Variants in EBLN1 observed in about 807,000 individuals in gnomAD.
EBLN1 encodes the protein endogenous Bornavirus like nucleoprotein 1, also known as endogenous Bornavirus-like nucleoprotein 1.
EBLN1 carries 1 observed loss-of-function variant against 0.8 expected under a neutral mutation model. The ratio of observed to expected loss-of-function variants is 1.32; its 90% confidence interval spans 0.47 to 6.26. The LOEUF is 6.26. Among genes scored for constraint, EBLN1 ranks in the 30% most tolerant of loss-of-function variants. EBLN1 has a pLI of 0.15. For missense variants in EBLN1, 396 were observed against 447.9 expected, an observed-to-expected ratio of 0.88 and a Z score of 1.05; for synonymous variants, 158 against 158.5, an observed-to-expected ratio of 1.00 and a Z score of 0.02.
intron 1 of EBLN1, among the ~76,000 whole-genome samples, chr10:22,216,250 C>T (rs1010766275): frequency 6.6e-6 from 1 of 151,864 alleles, no homozygotes; most frequent in Admixed American, 6.6e-5. Context: ...CTGGCATGTA[C>T]AAACACATTG....
intron 2 of EBLN1, among the ~76,000 whole-genome samples, chr10:22,212,137 A>G (rs1017609243): frequency 6.6e-6 from 1 of 152,216 alleles, no homozygotes; most frequent in Non-Finnish European, 1.5e-5. Flanking sequence ...AATGTACTGC[A>G]TATCTCTAAA....
At chr10:22,215,820 T>C (rs1488305922) in intron 1 of EBLN1, among the ~76,000 whole-genome samples, 1 of 152,094 alleles carries the variant, frequency 6.6e-6, no homozygotes, top group African/African-American at 2.4e-5. Flanking sequence ...TTGGTGATAG[T>C]GGAATAGTTA....
Position 22,208,825 on chromosome 10 carries a change from T to A in EBLN1, c.*58A>T, listed in dbSNP as rs934718220. 11 of 1,436,696 alleles carry A rather than the reference T, an allele frequency of 7.7e-6. No homozygotes were observed. The Admixed American group carries it at 1.4e-4, about 18-fold the overall frequency. 89.0% of individuals were successfully genotyped at this position (1,436,696 alleles called of 1,614,324 possible). A position where few individuals can be genotyped will look rare whatever the true frequency, so the allele number is the denominator to read the frequency against. Reference sequence around the variant, plus strand: ...GCAACACTCAGATACTATTTTAGAATGTGATTTTCACATAATTTCTTTTTA... The same window carrying A: ...GCAACACTCAGATACTATTTTAGAAAGTGATTTTCACATAATTTCTTTTTA... On this transcript the variant is annotated 3_prime_UTR_variant, in exon 3 of 3. Coordinates refer to ENST00000422359, the MANE Select transcript of EBLN1 (RefSeq NM_001394757.1).
At chr10:22,217,080 A>G (rs146770213) in intron 1 of EBLN1, among the ~76,000 whole-genome samples, 1 of 152,316 alleles carries the variant, frequency 6.6e-6, no homozygotes, top group East Asian at 1.9e-4. Context: ...TTTTAAAGCA[A>G]TAAATACATA....
At position 22,209,304 on chromosome 10, in the gene EBLN1, A is replaced by G. The variant is rs1015265877; in HGVS notation, c.680T>C (p.Val227Ala). ...PACELLDQVK[V>A]VASKAQMMTY... ...CATCATCTGTGCTTTGCTGGCAACT[A>G]CTTTAACTTGATCAAGTAGCTCGCA... is the stretch of plus-strand genomic sequence containing the variant. The change falls in exon 3 of 3, where the codon GTA (valine) becomes GCA (alanine). Residue 227 changes from valine (V) to alanine (A), a missense_variant. By Grantham distance (64) the Val-to-Ala change is moderately conservative. Transcript: ENST00000422359. 3.1e-6 allele frequency: 5 copies of G among 1,598,612 alleles called. No homozygotes were observed. The Admixed American group carries it at 5.0e-5, about 16-fold the overall frequency.
At chr10:22,215,783 C>T (rs1473572818) in intron 1 of EBLN1, among the ~76,000 whole-genome samples, 1 of 151,850 alleles carries the variant, frequency 6.6e-6, no homozygotes, top group East Asian at 1.9e-4. Context: ...TATGTATGAC[C>T]ATGAAGAAAT....
Position 22,209,948 on chromosome 10 carries a change from G to T in EBLN1, c.36C>A (p.Ser12Arg), listed in dbSNP as rs1453137050. The change falls in exon 3 of 3, where the codon AGC (serine) becomes AGA (arginine). Residue 12 changes from serine to arginine, a missense_variant. Physicochemically the swap from Ser to Arg is moderately radical, Grantham distance 110. Coordinates refer to ENST00000422359, the MANE Select transcript of EBLN1 (RefSeq NM_001394757.1). ...TCCCATCCTTTGTACTGTCTTGTGG[G>T]CTGCTGGTCTGTGGGTTGTTTCTTG... ...SRPRNNPQTS[S>R]PQDSTKDGSS... 1 of 1,432,098 alleles carries T rather than the reference G, an allele frequency of 7.0e-7. No individual in the cohort carries two copies. Among genetic ancestry groups the T allele is most frequent in the East Asian group, 2.5e-5 (1 of 40,094 alleles). 88.7% of individuals were successfully genotyped at this position (1,432,098 alleles called of 1,614,324 possible). A position where few individuals can be genotyped will look rare whatever the true frequency, so the allele number is the denominator to read the frequency against.
At chr10:22,210,074 A>G in intron 2 of EBLN1, 47 bp from the exon 3 acceptor site, 1 of 1,244,448 alleles carries the variant, frequency 8.0e-7, no homozygotes, top group African/African-American at 1.5e-5. Context: ...TTTTTAAATT[A>G]CATTTATTAA....
intron 2 of EBLN1, among the ~76,000 whole-genome samples, chr10:22,211,015 G>T (rs1356602262): frequency 2.6e-5 from 4 of 152,190 alleles, no homozygotes; most frequent in African/African-American, 9.7e-5. Flanking sequence ...TGCATGCCCT[G>T]CTTTAAAACC....
At chr10:22,210,728 C>T (rs1254514787) in intron 2 of EBLN1, among the ~76,000 whole-genome samples, 1 of 152,156 alleles carries the variant, frequency 6.6e-6, no homozygotes, top group East Asian at 1.9e-4. Flanking sequence ...TCAGGCAAAC[C>T]TGGTCCCCTC....
intron 1 of EBLN1, among the ~76,000 whole-genome samples, chr10:22,216,361 A>G (rs961057098): frequency 6.6e-6 from 1 of 152,204 alleles, no homozygotes; most frequent in Non-Finnish European, 1.5e-5. Flanking sequence ...AACTATATTT[A>G]CAGTAAACAT....
In EBLN1 at chr10:22,209,448, T is replaced by C. The variant is rs1239674106; in HGVS notation, c.536A>G (p.Glu179Gly). ...MISIGRPLHS[E>G]SADLLISYNA... The stretch of plus-strand genomic sequence containing the variant: ...ATAGCTAATTAATAAATCAGCACTT[T>C]CACTATGCAAAGGTCTTCCAATGGA... The change falls in exon 3 of 3, where the codon GAA (glutamate) becomes GGA (glycine). Residue 179 changes from glutamate to glycine, a missense_variant. Coordinates refer to ENST00000422359, the MANE Select transcript of EBLN1 (RefSeq NM_001394757.1). 1.3e-6 allele frequency: 2 copies of C among 1,598,968 alleles called. No individual in the cohort carries two copies. The highest frequency in any genetic ancestry group is 1.7e-6 in the Non-Finnish European group (2 of 1,179,694).
intron 1 of EBLN1, among the ~76,000 whole-genome samples, chr10:22,215,834 G>A (rs546616642): frequency 5.1e-4 from 77 of 152,238 alleles, no homozygotes; most frequent in Middle Eastern, 3.4e-3. Context: ...ATAGTTAAGT[G>A]TGCTGTGGTA....
At chr10:22,215,749 A>G (rs1588586160) in intron 1 of EBLN1, among the ~76,000 whole-genome samples, 1 of 152,200 alleles carries the variant, frequency 6.6e-6, no homozygotes, top group Non-Finnish European at 1.5e-5. Context: ...AAATATTTAT[A>G]TACAAAGACC....
chr10:22,209,366 C>T lies in EBLN1; in HGVS notation c.618G>A (p.Met206Ile), dbSNP rs116468417. ...INSRPWVGGL[M>I]FTFLFGEFES... is the part of the protein sequence containing the mutation. ...CAAATTCTCCAAATAGAAATGTGAA[C>T]ATTAATCCTCCAACCCATGGTCTTG... Residue 206 changes from methionine to isoleucine, a missense_variant, in exon 3 of 3, where the codon ATG becomes ATA. Transcript: ENST00000422359. 1,124 of 1,605,586 alleles carry T rather than the reference C, an allele frequency of 7.0e-4. 7 individuals are homozygous for T. The African/African-American group carries it at 0.012, about 18-fold the overall frequency.
At chr10:22,215,352 A>G (rs1424097690) in intron 1 of EBLN1, among the ~76,000 whole-genome samples, 1 of 152,178 alleles carries the variant, frequency 6.6e-6, no homozygotes, top group Non-Finnish European at 1.5e-5. Context: ...TATCTATATG[A>G]TATCACTGTA....
intron 1 of EBLN1, among the ~76,000 whole-genome samples, chr10:22,216,181 A>AT (rs879479855): frequency 0.016 from 2,428 of 147,996 alleles, 79 homozygotes; most frequent in African/African-American, 0.056. Context: ...TGCTTCTATG[A>AT]TTTTTTTTTT....
At chr10:22,214,835 C>A (rs1024166073) in intron 1 of EBLN1, among the ~76,000 whole-genome samples, 1 of 151,938 alleles carries the variant, frequency 6.6e-6, no homozygotes, top group Non-Finnish European at 1.5e-5. Context: ...AAAACCTGTA[C>A]ATAAATGTTC....
In EBLN1 at chr10:22,217,921, T is replaced by C. The variant is rs1170495; in HGVS notation, c.-174A>G. Among the ~76,000 whole-genome samples, 54,392 of 152,142 alleles carry C rather than the reference T, an allele frequency of 0.36. 12,462 individuals carry two copies. The highest frequency in any genetic ancestry group is 0.66 in the African/African-American group (27,272 of 41,456). On this transcript the variant is annotated 5_prime_UTR_variant, in exon 1 of 3. Transcript: ENST00000422359. Reference sequence around the variant, plus strand: ...AGGAGGTTTAATTGACTCACAGTTCTGCATGGCTGGGAAGGCCTCAGGAAA... The same window carrying C: ...AGGAGGTTTAATTGACTCACAGTTCCGCATGGCTGGGAAGGCCTCAGGAAA...
Sources: allele counts gnomAD v4.1 joint callset (sites outside exome capture counted in the v4.1 genomes callset), GRCh38; gene constraint gnomAD v4.1.1; transcripts MANE v1.5; gene names NCBI Gene and HGNC (gene_info 2026-07-23, HGNC 2026-07-21).